Variants in KIT observed in about 807,000 individuals in gnomAD.
KIT encodes mast/stem cell growth factor receptor Kit.
KIT carries 16 observed loss-of-function variants against 105.7 expected under a neutral mutation model. The observed-to-expected ratio is 0.15, with a 90% CI of 0.10 to 0.23. The LOEUF (loss-of-function observed/expected upper bound fraction) is 0.23, where lower values mean the gene tolerates loss of function less well. KIT is among the 10% of genes least tolerant of loss of function. The pLI, the probability that KIT is intolerant of heterozygous loss-of-function variation, is 1.00. For synonymous variants in KIT, 438 were observed against 441.1 expected (o/e 0.99, Z 0.09); for missense variants, 858 against 1,213.8 (o/e 0.71, Z 4.36).
chr4:54,730,189 G>A lies in KIT; in HGVS notation c.2141+704G>A, dbSNP rs147123665. ...TTCTTTCTTTGGAAATGCTCTTAAG[G>A]GCCACCATTTGAGAAGACTTCCTAG... is the stretch of plus-strand genomic sequence containing the variant. On this transcript the variant is annotated intron_variant, in intron 14 of 20. Transcript: ENST00000288135. Among the ~76,000 whole-genome samples the A allele has an allele frequency of 4.7e-3, 720 of 152,082 alleles. 8 individuals are homozygous for A. The highest frequency in any genetic ancestry group is 0.017 in the African/African-American group (690 of 41,504).
chr4:54,715,990 A>G (rs912263681), intron 7 of KIT, among the ~76,000 whole-genome samples: 14 of 152,192 alleles, frequency 9.2e-5, no homozygotes, highest in Admixed American at 4.6e-4. Flanking sequence ...GAAGATGGCA[A>G]TGTCTTCCCA....
At chr4:54,722,769 A>G (rs1721954973) in intron 7 of KIT, among the ~76,000 whole-genome samples, 1 of 149,452 alleles carries the variant, frequency 6.7e-6, no homozygotes, top group African/African-American at 2.4e-5. Flanking sequence ...ACCAAATTAG[A>G]GCATTTCTGC....
chr4:54,721,092 T>G (rs77093200), intron 7 of KIT, among the ~76,000 whole-genome samples: 9,417 of 152,238 alleles, frequency 0.062, 942 homozygotes, highest in African/African-American at 0.21. Flanking sequence ...GCTGTGGGTC[T>G]CACTGAGCTA....
intron 1 of KIT, among the ~76,000 whole-genome samples, chr4:54,669,267 T>A (rs920298254): frequency 6.6e-6 from 1 of 151,514 alleles, no homozygotes; most frequent in Non-Finnish European, 1.5e-5. Context: ...GTTTGTGAGT[T>A]TTTTTAGTAG....
chr4:54,688,368 C>A (rs1719463966), intron 1 of KIT, among the ~76,000 whole-genome samples: 1 of 152,130 alleles, frequency 6.6e-6, no homozygotes, highest in African/African-American at 2.4e-5. Context: ...AGTTGAACTA[C>A]AATGCACAGG....
At chr4:54,719,003 G>A (rs186228728) in intron 7 of KIT, among the ~76,000 whole-genome samples, 8 of 152,186 alleles carry the variant, frequency 5.3e-5, no homozygotes, top group African/African-American at 1.2e-4. Context: ...GACCAAAACC[G>A]GGATAGTGAA....
At chr4:54,721,469 T>G (rs1721869054) in intron 7 of KIT, among the ~76,000 whole-genome samples, 1 of 152,264 alleles carries the variant, frequency 6.6e-6, no homozygotes, top group African/African-American at 2.4e-5. Flanking sequence ...ATGGCTTGTC[T>G]TCTTGCTCTA....
chr4:54,697,485 G>T (rs1720152231), intron 2 of KIT, among the ~76,000 whole-genome samples: 2 of 152,116 alleles, frequency 1.3e-5, no homozygotes, highest in Non-Finnish European at 2.9e-5. Flanking sequence ...CTTCTATGAG[G>T]CCCCAGTCAG....
intron 16 of KIT, among the ~76,000 whole-genome samples, chr4:54,732,352 A>G (rs909389698): frequency 6.6e-5 from 10 of 152,164 alleles, no homozygotes; most frequent in Admixed American, 6.5e-4. Flanking sequence ...AGGGCACCTC[A>G]TAGTTACAAG....
chr4:54,723,561 T>C (rs774458516), intron 7 of KIT, 23 bp from the exon 8 acceptor site: 13 of 1,495,170 alleles, frequency 8.7e-6, no homozygotes, highest in African/African-American at 4.1e-5. Flanking sequence ...CTCTGACATA[T>C]GGCCATTTCT....
At chr4:54,674,640 G>GCT (rs1718339016) in intron 1 of KIT, among the ~76,000 whole-genome samples, 1 of 152,194 alleles carries the variant, frequency 6.6e-6, no homozygotes, top group Non-Finnish European at 1.5e-5. Flanking sequence ...CTCAGAGGTA[G>GCT]CTGCTTTTCA....
At chr4:54,736,870 T>C in intron 19 of KIT, 50 bp downstream of exon 19, 1 of 1,427,586 alleles carries the variant, frequency 7.0e-7, no homozygotes, top group Non-Finnish European at 9.9e-7. Flanking sequence ...CTTTTATTTT[T>C]CTTTTTAGAG....
chr4:54,716,543 A>G (rs1055042865), intron 7 of KIT, among the ~76,000 whole-genome samples: 7 of 152,142 alleles, frequency 4.6e-5, no homozygotes, highest in Non-Finnish European at 8.8e-5. Flanking sequence ...AAATGAAGTC[A>G]TATTGCTTTA....
intron 7 of KIT, 123 bp downstream of exon 7, chr4:54,709,662 T>C (rs1039744990): frequency 2.7e-6 from 2 of 727,830 alleles, no homozygotes; most frequent in Admixed American, 4.0e-5. Context: ...AATCTTGACC[T>C]TCACAGAGAC....
At chr4:54,700,733 C>T in intron 4 of KIT, among the ~76,000 whole-genome samples, 1 of 152,154 alleles carries the variant, frequency 6.6e-6, no homozygotes, top group East Asian at 1.9e-4. Context: ...GTTTAAAAAA[C>T]TCTTTGCTAA....
chr4:54,737,356 G>C, intron 20 of KIT, 76 bp downstream of exon 20: 1 of 988,246 alleles, frequency 1.0e-6, no homozygotes, highest in Non-Finnish European at 1.6e-6. Flanking sequence ...GGCTTTCAGG[G>C]TGAGGACTAA....
chr4:54,704,814 G>T (rs1720681585), intron 5 of KIT, among the ~76,000 whole-genome samples: 1 of 152,044 alleles, frequency 6.6e-6, no homozygotes, highest in Non-Finnish European at 1.5e-5. Context: ...CAATAATAAA[G>T]TGATGCGGTA....
rs2109818793 is a variant in KIT, at chr4:54,738,487, C to G, written c.2861C>G (p.Ser954Cys). The G allele has an allele frequency of 6.2e-7, 1 of 1,614,120 alleles. No homozygotes were observed. The highest frequency in any genetic ancestry group is 1.1e-5 in the South Asian group (1 of 91,086). ...CGACAGAAGCCCGTGGTAGACCATT[C>G]TGTGCGGATCAATTCTGTCGGCAGC... ...PNRQKPVVDHSVRINSVGSTA... is the reference protein window; with the variant it reads ...PNRQKPVVDHCVRINSVGSTA... Residue 954 changes from serine to cysteine, a missense_variant, in exon 21 of 21, where the codon TCT becomes TGT. Ser to Cys is a moderately radical substitution (Grantham distance 112). This residue lies in a region of KIT where 105 missense variants were observed against 103.5 expected (regional missense o/e 1.01). Transcript: ENST00000288135.
At chr4:54,703,925 G>T (rs757600878) in intron 5 of KIT, 33 bp downstream of exon 5, 20 of 1,510,000 alleles carry the variant, frequency 1.3e-5, no homozygotes, top group Non-Finnish European at 1.8e-5. Context: ...TTAAATTACT[G>T]GCAGTAGTGA....
Sources: allele counts gnomAD v4.1 joint callset (sites outside exome capture counted in the v4.1 genomes callset), GRCh38; gene constraint gnomAD v4.1.1; regional missense constraint gnomAD v4.1.1; transcripts MANE v1.5; gene names NCBI Gene and HGNC (gene_info 2026-07-23, HGNC 2026-07-21).